LRRTM4: variants seen among roughly 807,000 people sequenced by gnomAD.
LRRTM4 encodes leucine rich repeat transmembrane neuronal 4.
In LRRTM4, 25 loss-of-function variants were observed where a neutral mutation model predicts 47.6. The ratio of observed to expected loss-of-function variants is 0.53; its 90% CI spans 0.38 to 0.73. LRRTM4 has a LOEUF of 0.73. Ranked by LOEUF, LRRTM4 falls within the 30% of genes least tolerant of loss-of-function variation. The pLI is 0.00. For missense variants in LRRTM4, 638 were observed against 713.4 expected, an observed-to-expected ratio of 0.89 and a Z score of 1.20; for synonymous variants, 311 against 269.5, an observed-to-expected ratio of 1.15 and a Z score of -1.51.
At chr2:77,081,563 GT>G (rs1680535046) in intron 3 of LRRTM4, among the ~76,000 whole-genome samples, 1 of 152,022 alleles carries the variant, frequency 6.6e-6, no homozygotes, top group South Asian at 2.1e-4. Flanking sequence ...TCCAGAAGAA[GT>G]CAAGCTTTCA....
chr2:77,335,457 T>A (rs1671130068), intron 3 of LRRTM4, among the ~76,000 whole-genome samples: 3 of 152,146 alleles, frequency 2.0e-5, no homozygotes, highest in African/African-American at 7.2e-5. Flanking sequence ...TGCTAACACT[T>A]TGGATTTCCC....
chr2:76,800,538 C>G (rs1299314030), intron 3 of LRRTM4, among the ~76,000 whole-genome samples: 7 of 147,510 alleles, frequency 4.7e-5, no homozygotes, highest in Non-Finnish European at 1.0e-4. Flanking sequence ...AGGACATAGG[C>G]ATGGGCAAGG....
chr2:77,275,674 T>C (rs1356656978), intron 3 of LRRTM4, among the ~76,000 whole-genome samples: 1 of 152,156 alleles, frequency 6.6e-6, no homozygotes, highest in East Asian at 1.9e-4. Flanking sequence ...GTTCCTCTTC[T>C]GCTGGACCTC....
intron 3 of LRRTM4, among the ~76,000 whole-genome samples, chr2:77,258,347 T>C (rs1366238804): frequency 6.6e-6 from 1 of 152,114 alleles, no homozygotes; most frequent in Non-Finnish European, 1.5e-5. Context: ...GAGATATTTA[T>C]GGGATGCAAT....
chr2:77,509,369 A>G (rs1323112056), intron 3 of LRRTM4, among the ~76,000 whole-genome samples: 1 of 152,196 alleles, frequency 6.6e-6, no homozygotes, highest in Non-Finnish European at 1.5e-5. Flanking sequence ...TAGTAACAAC[A>G]AAATAATTAT....
chr2:76,996,406 T>A (rs1197374010), intron 3 of LRRTM4, among the ~76,000 whole-genome samples: 1 of 152,124 alleles, frequency 6.6e-6, no homozygotes, highest in Non-Finnish European at 1.5e-5. Context: ...CTATAAAGTG[T>A]TCTTTTCAGG....
intron 3 of LRRTM4, among the ~76,000 whole-genome samples, chr2:76,898,741 G>A (rs1226361484): frequency 6.6e-6 from 1 of 150,928 alleles, no homozygotes; most frequent in Non-Finnish European, 1.5e-5. Flanking sequence ...AAAGCTCTAG[G>A]ATGTGTTAGA....
intron 3 of LRRTM4, among the ~76,000 whole-genome samples, chr2:77,458,946 T>C (rs530537496): frequency 7.9e-5 from 12 of 152,082 alleles, no homozygotes; most frequent in Middle Eastern, 6.8e-3. Flanking sequence ...GTTTGTGAAA[T>C]CATGCCCTTT....
intron 3 of LRRTM4, among the ~76,000 whole-genome samples, chr2:77,497,431 T>C (rs10189992): frequency 0.27 from 40,670 of 150,736 alleles, 5,614 homozygotes; most frequent in African/African-American, 0.29. Flanking sequence ...TATAGGAATA[T>C]ACTGATACAA....
chr2:77,436,576 C>G (rs1362032302), intron 3 of LRRTM4, among the ~76,000 whole-genome samples: 1 of 151,708 alleles, frequency 6.6e-6, no homozygotes, highest in Non-Finnish European at 1.5e-5. Flanking sequence ...GAATCCATTA[C>G]CATCAGAAAT....
intron 3 of LRRTM4, among the ~76,000 whole-genome samples, chr2:76,930,789 G>T (rs533843336): frequency 3.6e-4 from 55 of 152,136 alleles, no homozygotes; most frequent in African/African-American, 1.3e-3. Flanking sequence ...AATGATAAAT[G>T]GTTATTAAAA....
intron 3 of LRRTM4, among the ~76,000 whole-genome samples, chr2:77,069,401 ATGTGTGTGTG>A (rs3058064): frequency 1.7e-3 from 246 of 141,576 alleles, no homozygotes; most frequent in Middle Eastern, 3.6e-3. Context: ...ACATTTCACT[ATGTGTGTGTG>A]TGTGTGTGTG....
At chr2:77,379,241 G>A (rs1672956926) in intron 3 of LRRTM4, among the ~76,000 whole-genome samples, 1 of 151,834 alleles carries the variant, frequency 6.6e-6, no homozygotes, top group African/African-American at 2.4e-5. Context: ...ACCCTCCCCT[G>A]TTTTGGCGAT....
intron 3 of LRRTM4, among the ~76,000 whole-genome samples, chr2:77,170,070 T>C (rs1390791961): frequency 6.6e-6 from 1 of 152,160 alleles, no homozygotes; most frequent in Non-Finnish European, 1.5e-5. Flanking sequence ...GGGGTCCTAA[T>C]CTTTGGAACC....
chr2:76,922,859 G>T (rs769246804), intron 3 of LRRTM4, among the ~76,000 whole-genome samples: 1 of 151,998 alleles, frequency 6.6e-6, no homozygotes, highest in Non-Finnish European at 1.5e-5. Flanking sequence ...GCAGAGACAA[G>T]GCTAGATTGA....
intron 3 of LRRTM4, among the ~76,000 whole-genome samples, chr2:76,990,635 C>CAGATTCAT (rs1676970887): frequency 6.6e-6 from 1 of 151,756 alleles, no homozygotes; most frequent in African/African-American, 2.4e-5. Context: ...CATTGGAGCA[C>CAGATTCAT]ACAGATTCAT....
chr2:77,040,867 T>C (rs1679006185), intron 3 of LRRTM4, among the ~76,000 whole-genome samples: 1 of 151,576 alleles, frequency 6.6e-6, no homozygotes, highest in Non-Finnish European at 1.5e-5. Flanking sequence ...ATGTATACAT[T>C]GTGTAATTAT....
chr2:77,383,454 C>A (rs1673139727), intron 3 of LRRTM4, among the ~76,000 whole-genome samples: 1 of 151,988 alleles, frequency 6.6e-6, no homozygotes, highest in Non-Finnish European at 1.5e-5. Context: ...CTCCTCTATT[C>A]TGAAAATCAC....
chr2:77,067,343 A>T (rs1207195742), intron 3 of LRRTM4, among the ~76,000 whole-genome samples: 1 of 152,110 alleles, frequency 6.6e-6, no homozygotes, highest in Non-Finnish European at 1.5e-5. Flanking sequence ...CTCACTGTGT[A>T]TTGCAAATTA....
Sources: gnomAD v4.1 joint callset for allele counts (sites outside exome capture counted in the v4.1 genomes callset) on GRCh38, gnomAD v4.1.1 for gene constraint, MANE v1.5 for transcripts, NCBI Gene and HGNC (gene_info 2026-07-23, HGNC 2026-07-21) for gene names.